Variants in UBE2F observed in about 807,000 individuals in gnomAD.
The protein encoded by UBE2F is ubiquitin conjugating enzyme E2 F (putative), also known as NEDD8-conjugating enzyme UBE2F.
Under a neutral mutation model 29.6 loss-of-function variants are expected in UBE2F, and 5 were observed. The observed-to-expected ratio is 0.17, with a 90% CI of 0.09 to 0.36. The LOEUF (loss-of-function observed/expected upper bound fraction) is 0.36. UBE2F is among the 10% of genes least tolerant of loss of function. The pLI is 1.00. For missense variants in UBE2F, 141 were observed against 228.5 expected (o/e 0.62, Z 2.47); for synonymous variants, 66 against 81.8 (o/e 0.81, Z 1.04).
intron 4 of UBE2F, among the ~76,000 whole-genome samples, chr2:237,998,611 G>C (rs890752521): frequency 4.2e-4 from 43 of 102,580 alleles, no homozygotes; most frequent in African/African-American, 1.1e-3. Context: ...ACTGCCGTGA[G>C]CTTTTTTTTT....
chr2:238,001,555 TGCCTGTAATGCCAGCATTTTGGGAG>T (rs2063793695), intron 4 of UBE2F, among the ~76,000 whole-genome samples: 1 of 152,184 alleles, frequency 6.6e-6, no homozygotes, highest in South Asian at 2.1e-4. Flanking sequence ...CAGTGGCTCA[TGCCTGTAATGCCAGCATTTTGGGAG>T]GCCAAGGCGG....
At chr2:238,015,938 C>T (rs1219135936) in intron 4 of UBE2F, among the ~76,000 whole-genome samples, 2 of 152,062 alleles carry the variant, frequency 1.3e-5, no homozygotes, top group East Asian at 1.9e-4. Context: ...AGTGGGGGTA[C>T]ACAGCATGTG....
intron 2 of UBE2F, among the ~76,000 whole-genome samples, chr2:237,986,956 T>G (rs1441571095): frequency 6.6e-6 from 1 of 152,230 alleles, no homozygotes; most frequent in African/African-American, 2.4e-5. Flanking sequence ...TTTTTCAAGC[T>G]GCTTTGGTTT....
intron 3 of UBE2F, among the ~76,000 whole-genome samples, chr2:237,989,107 A>T (rs199880191): frequency 6.6e-6 from 1 of 152,196 alleles, no homozygotes; most frequent in East Asian, 1.9e-4. Context: ...TTATCATTGT[A>T]CTTCCCTTAA....
At chr2:237,968,054 G>A (rs2063096662) in intron 1 of UBE2F, among the ~76,000 whole-genome samples, 1 of 152,166 alleles carries the variant, frequency 6.6e-6, no homozygotes, top group African/African-American at 2.4e-5. Context: ...GGGAAGGAGG[G>A]CATTCTAGAC....
At chr2:238,027,773 G>A (rs2064467297) in intron 6 of UBE2F, among the ~76,000 whole-genome samples, 1 of 152,236 alleles carries the variant, frequency 6.6e-6, no homozygotes, top group Admixed American at 6.5e-5. Context: ...TCTGGTTTGT[G>A]GTGACGCTGA....
intron 4 of UBE2F, among the ~76,000 whole-genome samples, chr2:238,014,915 T>C (rs1349809002): frequency 6.6e-6 from 1 of 152,212 alleles, no homozygotes; most frequent in African/African-American, 2.4e-5. Flanking sequence ...CCAGAGACTT[T>C]ATACTGCCAG....
intron 4 of UBE2F, among the ~76,000 whole-genome samples, chr2:238,006,775 T>C (rs201011464): frequency 9.6e-6 from 1 of 104,254 alleles, no homozygotes; most frequent in South Asian, 3.0e-4. Context: ...TTTTTTTTTT[T>C]TGAGAGTTTC....
chr2:238,019,846 G>A (rs1447567224), intron 5 of UBE2F, among the ~76,000 whole-genome samples: 2 of 151,930 alleles, frequency 1.3e-5, no homozygotes, highest in Non-Finnish European at 2.9e-5. Context: ...TTTTAGTAGA[G>A]ACGGGGTTTC....
At chr2:238,007,186 A>T (rs911868375) in intron 4 of UBE2F, among the ~76,000 whole-genome samples, 1 of 152,072 alleles carries the variant, frequency 6.6e-6, no homozygotes, top group South Asian at 2.1e-4. Flanking sequence ...CAGTGGTGTG[A>T]TCTCAGCTCA....
At chr2:237,968,075 G>A (rs977550512) in intron 1 of UBE2F, among the ~76,000 whole-genome samples, 40 of 152,162 alleles carry the variant, frequency 2.6e-4, no homozygotes, top group Non-Finnish European at 1.6e-4. Context: ...CTGGGTATCA[G>A]ACTGAATAGA....
chr2:237,987,852 C>CATTTTTTT lies in UBE2F; in HGVS notation c.119-111_119-110insATTTTTTT, dbSNP rs59213280. 82 of 519,872 alleles carry CATTTTTTT rather than the reference C, an allele frequency of 1.6e-4. 15 individuals carry two copies. Among genetic ancestry groups the CATTTTTTT allele is most frequent in the African/African-American group, 7.9e-4 (37 of 46,560 alleles). 32.2% of individuals were successfully genotyped at this position (519,872 alleles called of 1,614,324 possible). On this transcript the variant is annotated intron_variant, in intron 2 of 9. Coordinates refer to ENST00000272930, the MANE Select transcript of UBE2F (RefSeq NM_080678.3). ...TAGACCAGGTTTTATTCAGTTCATC[C>CATTTTTTT]TTTTTTTTTTTTTTTTGATTCAGTG...
intron 7 of UBE2F, among the ~76,000 whole-genome samples, chr2:238,030,886 C>T (rs1015540669): frequency 6.6e-6 from 1 of 152,244 alleles, no homozygotes; most frequent in Non-Finnish European, 1.5e-5. Context: ...ACAGCCAAAC[C>T]ACCCGCCACA....
chr2:237,968,171 G>A (rs924920196), intron 1 of UBE2F, among the ~76,000 whole-genome samples: 2 of 152,158 alleles, frequency 1.3e-5, no homozygotes, highest in Non-Finnish European at 2.9e-5. Flanking sequence ...TGAGGAGTGA[G>A]ATGAAGGCAA....
intron 2 of UBE2F, chr2:237,986,131 CCTTTT>C: frequency 2.8e-6 from 1 of 350,906 alleles, no homozygotes; most frequent in Non-Finnish European, 5.3e-6. Flanking sequence ...TCATAGACTA[CCTTTT>C]CTTTTCTTTT....
At chr2:237,984,621 C>G (rs1442195630) in intron 2 of UBE2F, among the ~76,000 whole-genome samples, 4 of 152,224 alleles carry the variant, frequency 2.6e-5, no homozygotes, top group African/African-American at 9.6e-5. Context: ...TCCCAAAGAC[C>G]CCAGAGCACA....
At chr2:238,028,961 A>T (rs1394128047) in intron 6 of UBE2F, 2 of 152,190 alleles carry the variant, frequency 1.3e-5, no homozygotes, top group Admixed American at 6.5e-5. Context: ...TAATCCTTTT[A>T]AAATTATTTA....
intron 3 of UBE2F, 127 bp from the exon 4 acceptor site, chr2:237,994,617 T>A: frequency 1.4e-6 from 1 of 694,418 alleles, no homozygotes; most frequent in East Asian, 2.7e-5. Flanking sequence ...GAGGGAGATC[T>A]ACCAACTTTC....
intron 8 of UBE2F, chr2:238,032,503 T>C: frequency 2.5e-6 from 1 of 405,552 alleles, no homozygotes; most frequent in Non-Finnish European, 4.5e-6. Flanking sequence ...TAGTCCCAGC[T>C]GCTTGGAAGG....
Sources: allele counts gnomAD v4.1 joint callset (sites outside exome capture counted in the v4.1 genomes callset), GRCh38; gene constraint gnomAD v4.1.1; transcripts MANE v1.5; gene names NCBI Gene and HGNC (gene_info 2026-07-23, HGNC 2026-07-21).